The following DPP6 variants were observed in gnomAD, a reference collection of about 807,000 sequenced individuals.
DPP6 encodes dipeptidyl peptidase like 6, also known as A-type potassium channel modulatory protein DPP6.
A neutral mutation model predicts 122.6 loss-of-function variants in DPP6; 69 were observed. The observed-to-expected ratio is 0.56, with a 90% CI of 0.46 to 0.69. DPP6 has a LOEUF of 0.69. Among genes scored for constraint, DPP6 ranks in the 30% least tolerant of loss-of-function variants. The pLI is 0.00. For missense variants in DPP6, 928 were observed against 1,116.9 expected, an observed-to-expected ratio of 0.83 and a Z score of 2.41; for synonymous variants, 418 against 433.1, an observed-to-expected ratio of 0.97 and a Z score of 0.43.
intron 1 of DPP6, among the ~76,000 whole-genome samples, chr7:154,325,349 G>A (rs2151026062): frequency 6.6e-6 from 1 of 152,270 alleles, no homozygotes; most frequent in African/African-American, 2.4e-5. Context: ...GCAAATAGAA[G>A]TTTTCTGGGA....
chr7:154,509,699 A>G (rs1234766928), intron 3 of DPP6, among the ~76,000 whole-genome samples: 1 of 152,228 alleles, frequency 6.6e-6, no homozygotes, highest in East Asian at 1.9e-4. Context: ...AATATTCATA[A>G]TAGCCAAAAA....
intron 3 of DPP6, among the ~76,000 whole-genome samples, chr7:154,531,111 G>T (rs1268932865): frequency 2.0e-5 from 3 of 152,122 alleles, no homozygotes; most frequent in Non-Finnish European, 4.4e-5. Context: ...TAGGTGATAG[G>T]TTGATCTGTG....
In DPP6 at chr7:154,206,372, A is replaced by G. The variant is rs538984621; in HGVS notation, c.243+153309A>G. Among the ~76,000 whole-genome samples the G allele has an allele frequency of 2.6e-5, 4 of 152,350 alleles. No homozygotes were observed. In the South Asian group the frequency reaches 8.3e-4, roughly 32 times the overall value. Reference sequence around the variant, plus strand: ...ACCCATTCCCCTTGTCCCATAGCACAGGCAGCACAGAGGCATGGCATGCCA... The same window carrying G: ...ACCCATTCCCCTTGTCCCATAGCACGGGCAGCACAGAGGCATGGCATGCCA... On this transcript the variant is annotated intron_variant, in intron 1 of 25. Coordinates refer to ENST00000377770, the MANE Select transcript of DPP6 (RefSeq NM_130797.4).
chr7:153,780,788 G>A, the DPP6 span, among the ~76,000 whole-genome samples: 10 of 152,114 alleles, frequency 6.6e-5, no homozygotes, highest in Admixed American at 5.9e-4. Flanking sequence ...TGGCCAGAAC[G>A]TGTTTTTTAT....
chr7:154,728,538 A>G (rs1218019751), intron 8 of DPP6, among the ~76,000 whole-genome samples: 1 of 152,202 alleles, frequency 6.6e-6, no homozygotes, highest in African/African-American at 2.4e-5. Flanking sequence ...ACAACCAGGT[A>G]TTGATTGCTA....
intron 1 of DPP6, among the ~76,000 whole-genome samples, chr7:154,408,483 T>C (rs951719452): frequency 6.6e-6 from 1 of 152,158 alleles, no homozygotes; most frequent in Admixed American, 6.5e-5. Context: ...TAATGTTAGA[T>C]TTACAGAAAA....
At chr7:154,623,654 C>CACCCACGCGCGT (rs1563025920) in intron 5 of DPP6, among the ~76,000 whole-genome samples, 8 of 137,084 alleles carry the variant, frequency 5.8e-5, no homozygotes, top group Non-Finnish European at 1.2e-4. Flanking sequence ...CGCACACACG[C>CACCCACGCGCGT]GCACACACAC....
chr7:153,804,659 C>T, the DPP6 span, among the ~76,000 whole-genome samples: 1 of 152,052 alleles, frequency 6.6e-6, no homozygotes, highest in African/African-American at 2.4e-5. Context: ...CTTTGGGAGA[C>T]TGAGGTGGGT....
At chr7:154,816,660 T>C (rs937726188) in intron 16 of DPP6, among the ~76,000 whole-genome samples, 1 of 152,216 alleles carries the variant, frequency 6.6e-6, no homozygotes, top group South Asian at 2.1e-4. Context: ...ATCAATTGAG[T>C]TTCTTACACA....
chr7:153,884,508 C>A (rs1798840079), upstream of DPP6, among the ~76,000 whole-genome samples: 1 of 152,144 alleles, frequency 6.6e-6, no homozygotes, highest in South Asian at 2.1e-4. Flanking sequence ...TACCATTTGA[C>A]CCAGCCATCC....
chr7:154,384,087 CG>C (rs1375884440), intron 1 of DPP6, among the ~76,000 whole-genome samples: 2 of 152,020 alleles, frequency 1.3e-5, no homozygotes, highest in Non-Finnish European at 2.9e-5. Flanking sequence ...TTCAGTCTCC[CG>C]GGTGCTCCCT....
intron 7 of DPP6, among the ~76,000 whole-genome samples, chr7:154,715,009 CAGA>C (rs1176814245): frequency 2.0e-5 from 3 of 151,814 alleles, no homozygotes; most frequent in South Asian, 2.1e-4. Context: ...CTGGTAGGCT[CAGA>C]AGAAGAAGGA....
chr7:153,988,295 G>C (rs1796947973), intron 1 of DPP6, among the ~76,000 whole-genome samples: 1 of 152,094 alleles, frequency 6.6e-6, no homozygotes, highest in Admixed American at 6.5e-5. Flanking sequence ...AGCTCCGGGG[G>C]TCTGAATGCT....
At chr7:153,758,076 G>C in the DPP6 span, among the ~76,000 whole-genome samples, 9 of 151,642 alleles carry the variant, frequency 5.9e-5, no homozygotes, top group East Asian at 7.7e-4. Context: ...GGAGAACCTA[G>C]GCCAGTAGAT....
At chr7:154,635,106 A>AGT (rs1489712783) in intron 5 of DPP6, among the ~76,000 whole-genome samples, 61 of 152,236 alleles carry the variant, frequency 4.0e-4, no homozygotes, top group African/African-American at 1.3e-3. Context: ...AGAGAGACAG[A>AGT]ACTCAGGTCA....
intron 6 of DPP6, among the ~76,000 whole-genome samples, chr7:154,668,143 T>C (rs909122711): frequency 1.0e-4 from 14 of 136,268 alleles, no homozygotes; most frequent in Non-Finnish European, 1.6e-5. Context: ...CCAAAGGCCA[T>C]TCAACCATTT....
At chr7:154,426,665 C>T (rs1817939478) in intron 1 of DPP6, among the ~76,000 whole-genome samples, 1 of 151,992 alleles carries the variant, frequency 6.6e-6, no homozygotes, top group South Asian at 2.1e-4. Flanking sequence ...AGGGGCAAAC[C>T]ATCCAAGACT....
intron 10 of DPP6, among the ~76,000 whole-genome samples, chr7:154,784,001 T>A (rs568556376): frequency 2.6e-5 from 4 of 152,118 alleles, no homozygotes; most frequent in Non-Finnish European, 5.9e-5. Flanking sequence ...TCATTTTCTA[T>A]AGGGGCAAAG....
chr7:153,807,038 G>A, the DPP6 span, among the ~76,000 whole-genome samples: 1 of 151,636 alleles, frequency 6.6e-6, no homozygotes, highest in African/African-American at 2.4e-5. Flanking sequence ...TTTTTCATTT[G>A]TCTCAGTAAG....
Sources: allele counts gnomAD v4.1 joint callset (sites outside exome capture counted in the v4.1 genomes callset), GRCh38; gene constraint gnomAD v4.1.1; transcripts MANE v1.5; gene names NCBI Gene and HGNC (gene_info 2026-07-23, HGNC 2026-07-21).